LYRM4: variants seen among roughly 807,000 people sequenced by gnomAD.
LYRM4 encodes the protein LYR motif-containing protein 4.
LYRM4 carries 9 observed loss-of-function variants against 11.7 expected under a neutral mutation model. The ratio of observed to expected loss-of-function variants is 0.77; its 90% CI spans 0.46 to 1.34. The LOEUF (loss-of-function observed/expected upper bound fraction) is 1.34. LYRM4 is among the 40% of genes most tolerant of loss of function. The probability of loss-of-function intolerance (pLI) is 0.00; values close to 1 mark genes in which losing one functional copy is unlikely to be tolerated. For synonymous variants in LYRM4, 42 were observed against 40.4 expected, an observed-to-expected ratio of 1.04 and a Z score of -0.15; for missense variants, 133 against 112.5, an observed-to-expected ratio of 1.18 and a Z score of -0.82.
the LYRM4 span, among the ~76,000 whole-genome samples, chr6:5,061,086 C>T: frequency 6.6e-6 from 1 of 152,176 alleles, no homozygotes; most frequent in Non-Finnish European, 1.5e-5. Flanking sequence ...ACACAGGAGG[C>T]TGGCCATGCA....
chr6:5,211,998 A>G (rs888762986), intron 2 of LYRM4, among the ~76,000 whole-genome samples: 2 of 152,226 alleles, frequency 1.3e-5, no homozygotes, highest in African/African-American at 4.8e-5. Context: ...AGCTAGCTCT[A>G]TAACAAAGAT....
At chr6:5,088,740 A>T in the LYRM4 span, 1 of 152,286 alleles carries the variant, frequency 6.6e-6, no homozygotes, top group East Asian at 1.9e-4. Context: ...CTTGAAATAA[A>T]CCCCCTTTGG....
At chr6:5,186,965 C>A in intron 2 of LYRM4, 4 of 646,358 alleles carry the variant, frequency 6.2e-6, no homozygotes, top group Non-Finnish European at 7.6e-6. Context: ...GCCTGGGCGA[C>A]AGAGTGAGAG....
chr6:5,136,419 G>A, intron 2 of LYRM4: 1 of 984,728 alleles, frequency 1.0e-6, no homozygotes, highest in Non-Finnish European at 1.2e-6. Flanking sequence ...AAGAGCCTGG[G>A]GTTTGTCCCA....
chr6:5,187,217 G>A (rs1760456993), intron 2 of LYRM4, among the ~76,000 whole-genome samples: 1 of 152,034 alleles, frequency 6.6e-6, no homozygotes, highest in African/African-American at 2.4e-5. Context: ...ATCTTCTCAG[G>A]GCTGAAGAAT....
downstream of LYRM4, among the ~76,000 whole-genome samples, chr6:5,101,990 G>GTTTTTTTTTTTTT (rs1762519776): frequency 1.6e-4 from 5 of 31,946 alleles, no homozygotes; most frequent in African/African-American, 2.3e-4. Flanking sequence ...TTTTTGGAGA[G>GTTTTTTTTTTTTT]TTATGTTGCC....
intron 2 of LYRM4, among the ~76,000 whole-genome samples, chr6:5,182,663 C>T (rs890735314): frequency 6.6e-6 from 1 of 152,194 alleles, no homozygotes; most frequent in Non-Finnish European, 1.5e-5. Flanking sequence ...GGGCTCAGAA[C>T]TACGAGCCTG....
At chr6:5,243,073 A>G (rs1763981464) in intron 1 of LYRM4, among the ~76,000 whole-genome samples, 1 of 152,184 alleles carries the variant, frequency 6.6e-6, no homozygotes, top group Non-Finnish European at 1.5e-5. Context: ...GCGCCCGGCC[A>G]GGATTTCTGC....
At chr6:5,187,724 G>A (rs1251166115) in intron 2 of LYRM4, among the ~76,000 whole-genome samples, 1 of 151,962 alleles carries the variant, frequency 6.6e-6, no homozygotes, top group Non-Finnish European at 1.5e-5. Flanking sequence ...TGCACGTTGT[G>A]CACATGTACC....
the LYRM4 span, among the ~76,000 whole-genome samples, chr6:5,052,806 T>A: frequency 6.6e-6 from 1 of 152,214 alleles, no homozygotes; most frequent in East Asian, 1.9e-4. Context: ...TTATGCTGTC[T>A]AAGGAGCCCC....
intron 1 of LYRM4, chr6:5,218,355 G>A (rs1001448573): frequency 2.0e-6 from 2 of 985,094 alleles, no homozygotes; most frequent in African/African-American, 1.7e-5. Context: ...ATTTCCTTGG[G>A]AGCAGCGCGG....
chr6:5,230,564 C>G (rs1388308371), intron 1 of LYRM4, among the ~76,000 whole-genome samples: 1 of 152,076 alleles, frequency 6.6e-6, no homozygotes, highest in Non-Finnish European at 1.5e-5. Context: ...TGTGAACCTG[C>G]CAATAATGTA....
At chr6:5,068,731 T>C in the LYRM4 span, among the ~76,000 whole-genome samples, 1 of 152,108 alleles carries the variant, frequency 6.6e-6, no homozygotes, top group Non-Finnish European at 1.5e-5. The surrounding 1 kb of genome is among the most constrained non-coding windows in gnomAD (Gnocchi z 4.0). Flanking sequence ...CATGCATACA[T>C]ATGTAACAAA....
the LYRM4 span, among the ~76,000 whole-genome samples, chr6:5,045,301 C>T: frequency 3.7e-3 from 557 of 152,234 alleles, 3 homozygotes; most frequent in Non-Finnish European, 5.2e-3. Context: ...AAGGAAGTCC[C>T]GCCACGTGCT....
chr6:5,174,006 G>A (rs1759577323), intron 2 of LYRM4, among the ~76,000 whole-genome samples: 1 of 152,162 alleles, frequency 6.6e-6, no homozygotes, highest in Non-Finnish European at 1.5e-5. Flanking sequence ...GCAGGTCCAA[G>A]GAGGAAGCTT....
At chr6:5,099,473 G>T (rs1453946591), downstream of LYRM4, among the ~76,000 whole-genome samples, 1 of 151,848 alleles carries the variant, frequency 6.6e-6, no homozygotes, top group Non-Finnish European at 1.5e-5. This position sits in a 1 kb window ranked among gnomAD's most constrained non-coding sequence, Gnocchi z 4.3. Flanking sequence ...AGCTGATCTT[G>T]AATTACTGTG....
At chr6:5,105,542 G>C (rs435175), downstream of LYRM4, 99,985 of 152,360 alleles carry the variant, frequency 0.66, 33,218 homozygotes, top group East Asian at 0.81. Flanking sequence ...GTCGGGGGCG[G>C]TGGCTCACGC....
rs368959129 is a variant in LYRM4, at chr6:5,162,498, C to CGA, written c.208-53009_208-53008dup. 1.0e-3 allele frequency among the ~76,000 whole-genome samples: 149 copies of CGA among 148,590 alleles called. 1 individual carries two copies. The highest frequency in any genetic ancestry group is 4.0e-3 in the East Asian group (20 of 5,044). ...CAGAGATGGAGCGACAGAGAGCGAG[C>CGA]GAGAGAGAGAGAGAGAGAGAGAGAA... On this transcript the variant is annotated intron_variant, in intron 2 of 2. Transcript: ENST00000330636.
At position 5,260,902 on chromosome 6, in the gene LYRM4, C is replaced by T. The variant is rs1407779878; in HGVS notation, c.-169G>A. The T allele has an allele frequency of 1.4e-6, 2 of 1,386,280 alleles. No individual in the cohort carries two copies. Among genetic ancestry groups the T allele is most frequent in the African/African-American group, 3.0e-5 (2 of 65,738 alleles). The allele number at this position is 1,386,280 out of a possible 1,614,324, so 85.9% of individuals were successfully genotyped here. On this transcript the variant is annotated 5_prime_UTR_variant, in exon 1 of 3. Transcript: ENST00000330636. ...AGCGGGCAGCCCTGCGGATCGCGGA[C>T]GGCGCCAGGCGTCCCGCGCCGCTTC...
Sources: gnomAD v4.1 joint callset for allele counts (sites outside exome capture counted in the v4.1 genomes callset) on GRCh38, gnomAD v4.1.1 for gene constraint, Gnocchi (gnomAD v3.1) non-coding constraint, MANE v1.5 for transcripts, NCBI Gene and HGNC (gene_info 2026-07-23, HGNC 2026-07-21) for gene names.